The following BEND7 variants were observed in gnomAD, a reference collection of about 807,000 sequenced individuals.
The protein encoded by BEND7 is BEN domain containing 7.
A neutral mutation model predicts 50.9 loss-of-function variants in BEND7; 28 were observed. The ratio of observed to expected loss-of-function variants is 0.55; its 90% CI spans 0.41 to 0.75. The LOEUF (loss-of-function observed/expected upper bound fraction) is 0.75, where lower values mean the gene tolerates loss of function less well. Among genes scored for constraint, BEND7 ranks in the 30% least tolerant of loss-of-function variants. The pLI, the probability that BEND7 is intolerant of heterozygous loss-of-function variation, is 0.00. For synonymous variants in BEND7, 170 were observed against 183.9 expected (o/e 0.92, Z 0.61); for missense variants, 477 against 491.3 (o/e 0.97, Z 0.28).
At chr10:13,503,440 C>G (rs915073778) in intron 2 of BEND7, among the ~76,000 whole-genome samples, 10 of 152,174 alleles carry the variant, frequency 6.6e-5, no homozygotes, top group African/African-American at 2.4e-4. Context: ...AAGGATGGCA[C>G]AGTGGCTCAC....
At chr10:13,495,948 G>A (rs2076990242) in intron 4 of BEND7, among the ~76,000 whole-genome samples, 1 of 152,130 alleles carries the variant, frequency 6.6e-6, no homozygotes, top group African/African-American at 2.4e-5. Context: ...TTTATTTCTT[G>A]TACCTGTGAC....
At chr10:13,492,534 AG>A (rs776878299) in intron 5 of BEND7, 76 bp downstream of exon 5, 364 of 1,541,328 alleles carry the variant, frequency 2.4e-4, no homozygotes, top group Non-Finnish European at 3.0e-4. Flanking sequence ...AGTTGTCAAA[AG>A]GGAAATCTAT....
At chr10:13,511,603 A>G (rs538687030) in intron 2 of BEND7, among the ~76,000 whole-genome samples, 16 of 152,292 alleles carry the variant, frequency 1.1e-4, no homozygotes, top group African/African-American at 3.6e-4. Context: ...TAATCCCTGG[A>G]ATACATGCTA....
chr10:13,517,668 C>T (rs2078788380), intron 2 of BEND7, among the ~76,000 whole-genome samples: 1 of 152,072 alleles, frequency 6.6e-6, no homozygotes, highest in South Asian at 2.1e-4. Flanking sequence ...ACCTTGAGCC[C>T]AGGAGTTGGA....
At chr10:13,487,383 C>CTTTTTTTTTT (rs1282658878) in intron 5 of BEND7, among the ~76,000 whole-genome samples, 2 of 26,518 alleles carry the variant, frequency 7.5e-5, no homozygotes, top group African/African-American at 1.9e-4. Flanking sequence ...CTTTTCTTTT[C>CTTTTTTTTTT]TTTTCTTTTT....
intron 6 of BEND7, among the ~76,000 whole-genome samples, chr10:13,466,057 C>T (rs2074218412): frequency 6.6e-6 from 1 of 152,166 alleles, no homozygotes; most frequent in Non-Finnish European, 1.5e-5. Flanking sequence ...TTTAAGGAAG[C>T]ACCCATTTAT....
intron 6 of BEND7, among the ~76,000 whole-genome samples, chr10:13,463,024 C>G (rs990143314): frequency 1.3e-5 from 2 of 152,194 alleles, no homozygotes; most frequent in African/African-American, 4.8e-5. Flanking sequence ...CAACAAATCA[C>G]CCAACTAAAC....
At chr10:13,479,379 C>T (rs1588852751) in intron 6 of BEND7, among the ~76,000 whole-genome samples, 1 of 152,108 alleles carries the variant, frequency 6.6e-6, no homozygotes. Flanking sequence ...CCACATCGAT[C>T]CACTTGTCAC....
chr10:13,525,653 A>G (rs977243038), intron 2 of BEND7, among the ~76,000 whole-genome samples: 1 of 152,174 alleles, frequency 6.6e-6, no homozygotes, highest in Non-Finnish European at 1.5e-5. Flanking sequence ...TCATGGCAGG[A>G]TTAGCAACTG....
intron 7 of BEND7, among the ~76,000 whole-genome samples, chr10:13,451,754 T>TC (rs141575572): frequency 0.72 from 81,501 of 112,744 alleles, 29,271 homozygotes; most frequent in East Asian, 0.88. Flanking sequence ...ATGCTATCCC[T>TC]CCCCCTCCCC....
At chr10:13,443,823 T>C (rs986009457) in intron 8 of BEND7, 2 of 152,220 alleles carry the variant, frequency 1.3e-5, no homozygotes, top group African/African-American at 4.8e-5. Flanking sequence ...ATTTTACATA[T>C]TTGATCTCCA....
intron 2 of BEND7, among the ~76,000 whole-genome samples, chr10:13,524,790 G>A (rs754933576): frequency 1.2e-4 from 18 of 152,136 alleles, no homozygotes; most frequent in South Asian, 4.2e-4. Flanking sequence ...ACAGTAAACA[G>A]GTACTGGGAG....
chr10:13,493,018 T>C, intron 4 of BEND7, 142 bp from the exon 5 acceptor site: 8 of 1,036,932 alleles, frequency 7.7e-6, no homozygotes, highest in South Asian at 3.5e-5. Flanking sequence ...AATCTCCAAC[T>C]GGACCTAAAG....
chr10:13,489,436 G>A (rs1414901688), intron 5 of BEND7, among the ~76,000 whole-genome samples: 2 of 152,154 alleles, frequency 1.3e-5, no homozygotes, highest in Non-Finnish European at 2.9e-5. Flanking sequence ...GTGGACAAGG[G>A]CAGATGACAG....
chr10:13,522,996 C>G (rs369319234), intron 2 of BEND7, among the ~76,000 whole-genome samples: 5 of 152,198 alleles, frequency 3.3e-5, no homozygotes, highest in African/African-American at 9.7e-5. Context: ...GTAGCTCTTA[C>G]GATTGCTGAA....
intron 2 of BEND7, among the ~76,000 whole-genome samples, chr10:13,511,828 T>C (rs998952590): frequency 6.6e-6 from 1 of 152,140 alleles, no homozygotes; most frequent in African/African-American, 2.4e-5. Context: ...ATGCAGAGAC[T>C]GTGAGGTGAG....
intron 7 of BEND7, among the ~76,000 whole-genome samples, chr10:13,449,331 A>C (rs1439183044): frequency 6.6e-6 from 1 of 152,170 alleles, no homozygotes; most frequent in Non-Finnish European, 1.5e-5. Context: ...AACAATGATA[A>C]TCACCATGTA....
chr10:13,439,345 T>C (rs769676744), downstream of BEND7: 5 of 1,614,182 alleles, frequency 3.1e-6, no homozygotes, highest in African/African-American at 2.7e-5. Context: ...GCTCTGTCTC[T>C]GGTAAGGTTG....
intron 4 of BEND7, among the ~76,000 whole-genome samples, chr10:13,496,519 G>A (rs1333951754): frequency 1.3e-5 from 2 of 152,210 alleles, no homozygotes; most frequent in African/African-American, 4.8e-5. Flanking sequence ...AGGAGATCAT[G>A]GAATGAAGTC....
Sources: allele counts gnomAD v4.1 joint callset (sites outside exome capture counted in the v4.1 genomes callset), GRCh38; gene constraint gnomAD v4.1.1; transcripts MANE v1.5; gene names NCBI Gene and HGNC (gene_info 2026-07-23, HGNC 2026-07-21).